Variants in MACO1 observed in about 807,000 individuals in gnomAD.
MACO1 encodes the protein macoilin.
A neutral mutation model predicts 78.7 loss-of-function variants in MACO1; 14 were observed. The observed-to-expected ratio is 0.18, with a 90% confidence interval of 0.12 to 0.28. The LOEUF (loss-of-function observed/expected upper bound fraction) is 0.28, where lower values mean the gene tolerates loss of function less well. MACO1 is among the 10% of genes least tolerant of loss of function. The probability of loss-of-function intolerance (pLI) is 1.00; values close to 1 mark genes in which losing one functional copy is unlikely to be tolerated. For missense variants in MACO1, 501 were observed against 799.0 expected (o/e 0.63, Z 4.50); for synonymous variants, 288 against 291.6 (o/e 0.99, Z 0.12).
chr1:25,446,310 A>G (rs2043015095), intron 1 of MACO1, among the ~76,000 whole-genome samples: 1 of 152,206 alleles, frequency 6.6e-6, no homozygotes, highest in South Asian at 2.1e-4. Context: ...TTCTTTAAGC[A>G]TGTAAGGATG....
chr1:25,439,607 G>T (rs1345963611), intron 1 of MACO1, among the ~76,000 whole-genome samples: 1 of 151,650 alleles, frequency 6.6e-6, no homozygotes, highest in African/African-American at 2.4e-5. Flanking sequence ...ATACAAGGAG[G>T]TGCCTGCAGA....
chr1:25,437,001 C>T (rs772844181), intron 1 of MACO1, among the ~76,000 whole-genome samples: 1 of 152,182 alleles, frequency 6.6e-6, no homozygotes, highest in African/African-American at 2.4e-5. Context: ...GACTACTCCA[C>T]TTTCATATAT....
rs970772072 is a variant in MACO1, at chr1:25,498,503, C to A, written c.*37C>A. 1 of 1,549,068 alleles carries A rather than the reference C, an allele frequency of 6.5e-7. No homozygotes were observed. Among genetic ancestry groups the A allele is most frequent in the Admixed American group, 2.1e-5 (1 of 48,152 alleles). ...GTGTTGTGCCCAAAAATTTGGTTAC[C>A]GGAAGGCATTGCAAAGGAGCGTCTC... is the stretch of plus-strand genomic sequence containing the variant. On this transcript the variant is annotated 3_prime_UTR_variant, in exon 11 of 11. Coordinates refer to ENST00000374343, the MANE Select transcript of MACO1 (RefSeq NM_018202.6).
At chr1:25,450,817 T>C (rs1232136055) in intron 3 of MACO1, among the ~76,000 whole-genome samples, 1 of 152,212 alleles carries the variant, frequency 6.6e-6, no homozygotes, top group East Asian at 1.9e-4. Context: ...GTGAGCTGCC[T>C]TTTACACTCG....
rs568737050 is a variant in MACO1 at position 25,493,499 on chromosome 1, C to G, written c.1792+1915C>G. 6.3e-4 allele frequency among the ~76,000 whole-genome samples: 96 copies of G among 152,120 alleles called. 1 individual carries two copies. The highest frequency in any genetic ancestry group is 6.8e-3 in the Middle Eastern group (2 of 294). ...TCCTGGGCTCAAGAGATCCTCCCAT[C>G]TCAGCCTCCCAAAGTGTTGGGATTG... On this transcript the variant is annotated intron_variant, in intron 10 of 10. Coordinates refer to ENST00000374343, the MANE Select transcript of MACO1 (RefSeq NM_018202.6).
chr1:25,474,863 G>A (rs1028316057), intron 6 of MACO1, among the ~76,000 whole-genome samples: 1 of 152,192 alleles, frequency 6.6e-6, no homozygotes, highest in Non-Finnish European at 1.5e-5. Context: ...GTAGCGTGTG[G>A]TACAGTGAAG....
intron 1 of MACO1, among the ~76,000 whole-genome samples, chr1:25,436,459 T>G (rs2042919988): frequency 6.6e-6 from 1 of 152,294 alleles, no homozygotes; most frequent in Non-Finnish European, 1.5e-5. Context: ...ATATACTGAT[T>G]AGTTTATCCC....
In MACO1 at chr1:25,485,967, C is replaced by G. The variant is rs879366053; in HGVS notation, c.1496+172C>G. Among the ~76,000 whole-genome samples the G allele has an allele frequency of 6.6e-6, 1 of 152,140 alleles. No homozygotes were observed. The highest frequency in any genetic ancestry group is 2.4e-5 in the African/African-American group (1 of 41,430). Reference sequence around the variant, plus strand: ...TAAACTCCATGTGTGCAAGCTTGCACTATCTTATAACAGCTTTATCCCTCA... The same window carrying G: ...TAAACTCCATGTGTGCAAGCTTGCAGTATCTTATAACAGCTTTATCCCTCA... On this transcript the variant is annotated intron_variant, in intron 8 of 10. Transcript: ENST00000374343. The surrounding 1 kb of genome is among the most constrained non-coding windows in gnomAD (Gnocchi z 4.3).
intron 8 of MACO1, among the ~76,000 whole-genome samples, chr1:25,486,425 CT>C (rs987466500): frequency 2.2e-4 from 33 of 151,554 alleles, no homozygotes; most frequent in African/African-American, 8.0e-4. Context: ...TAGTTAAGAG[CT>C]TTTTTTTTCT....
chr1:25,492,903 T>C (rs890936422), intron 10 of MACO1, among the ~76,000 whole-genome samples: 13 of 152,246 alleles, frequency 8.5e-5, no homozygotes, highest in African/African-American at 2.9e-4. Context: ...AAGCAAGGCA[T>C]GGTGGTTTGT....
At chr1:25,465,897 G>T (rs1368961896) in intron 6 of MACO1, among the ~76,000 whole-genome samples, 2 of 152,138 alleles carry the variant, frequency 1.3e-5, no homozygotes, top group African/African-American at 4.8e-5. Context: ...TTTCACTTAA[G>T]ATAATGACCT....
intron 1 of MACO1, among the ~76,000 whole-genome samples, chr1:25,442,155 T>A (rs1203755788): frequency 6.6e-6 from 1 of 152,232 alleles, no homozygotes; most frequent in African/African-American, 2.4e-5. Context: ...CAGAGACCAA[T>A]ACTTTGATTA....
chr1:25,475,517 C>T (rs1205256242), intron 6 of MACO1, among the ~76,000 whole-genome samples: 1 of 144,934 alleles, frequency 6.9e-6, no homozygotes, highest in Admixed American at 7.2e-5. Context: ...TTAGCTTGAC[C>T]AGTCTGGTCA....
chr1:25,451,038 G>T (rs1349135438), intron 3 of MACO1, among the ~76,000 whole-genome samples: 2 of 145,198 alleles, frequency 1.4e-5, no homozygotes, highest in Non-Finnish European at 2.9e-5. Context: ...TTGACCCACA[G>T]GGCAGCAGTG....
chr1:25,446,704 C>A, intron 1 of MACO1, 58 bp from the exon 2 acceptor site: 1 of 1,478,376 alleles, frequency 6.8e-7, no homozygotes, highest in Non-Finnish European at 9.1e-7. Flanking sequence ...AGTGAATTTT[C>A]TATTTCTAGT....
intron 6 of MACO1, among the ~76,000 whole-genome samples, chr1:25,482,045 T>C (rs887539144): frequency 6.6e-6 from 1 of 152,154 alleles, no homozygotes; most frequent in Non-Finnish European, 1.5e-5. Flanking sequence ...GCTCTGGGGA[T>C]TTAGTGCTTA....
intron 6 of MACO1, 132 bp from the exon 7 acceptor site, chr1:25,483,984 C>T: frequency 1.2e-6 from 1 of 863,410 alleles, no homozygotes; most frequent in Non-Finnish European, 1.8e-6. Context: ...CAGGAGTCCT[C>T]ATCATGGCAG....
intron 6 of MACO1, among the ~76,000 whole-genome samples, chr1:25,462,361 A>G (rs1203499756): frequency 6.6e-6 from 1 of 151,994 alleles, no homozygotes; most frequent in Non-Finnish European, 1.5e-5. Flanking sequence ...GGCATATTGC[A>G]TGATGCTGAG....
intron 10 of MACO1, among the ~76,000 whole-genome samples, chr1:25,493,416 T>G (rs949172324): frequency 2.0e-5 from 3 of 151,698 alleles, no homozygotes; most frequent in South Asian, 4.2e-4. Context: ...AATTTTTTTT[T>G]TTTCTGTTTT....
Sources: gnomAD v4.1 joint callset for allele counts (sites outside exome capture counted in the v4.1 genomes callset) on GRCh38, gnomAD v4.1.1 for gene constraint, Gnocchi (gnomAD v3.1) non-coding constraint, MANE v1.5 for transcripts, NCBI Gene and HGNC (gene_info 2026-07-23, HGNC 2026-07-21) for gene names.